The following GRM1 variants were observed in gnomAD, a reference collection of about 807,000 sequenced individuals.
GRM1 encodes the protein glutamate metabotropic receptor 1.
A neutral mutation model predicts 90.9 loss-of-function variants in GRM1; 33 were observed. The observed-to-expected ratio is 0.36, with a 90% CI of 0.28 to 0.49. GRM1 has a LOEUF of 0.49. Ranked by LOEUF, GRM1 falls within the 20% of genes least tolerant of loss-of-function variation. GRM1 has a pLI of 0.99. For synonymous variants in GRM1, 700 were observed against 613.2 expected (o/e 1.14, Z -2.09); for missense variants, 1,190 against 1,534.3 (o/e 0.78, Z 3.75).
intron 5 of GRM1, among the ~76,000 whole-genome samples, chr6:146,377,258 A>C (rs1042503479): frequency 6.6e-6 from 1 of 152,284 alleles, no homozygotes; most frequent in African/African-American, 2.4e-5. Flanking sequence ...AGATTGGAAC[A>C]GTTTGGAGGG....
At chr6:146,218,805 A>G (rs958562608) in intron 2 of GRM1, among the ~76,000 whole-genome samples, 2 of 152,182 alleles carry the variant, frequency 1.3e-5, no homozygotes, top group African/African-American at 2.4e-5. Context: ...ATATTTAAAT[A>G]CAAGGGAAAC....
intron 2 of GRM1, among the ~76,000 whole-genome samples, chr6:146,181,524 A>C (rs2114547333): frequency 6.6e-6 from 1 of 152,322 alleles, no homozygotes; most frequent in Non-Finnish European, 1.5e-5. Context: ...TGCCATGATT[A>C]CTGTTGTATT....
rs139562211 is a variant in GRM1 at position 146,167,338 on chromosome 6, T to A, written c.950+7741T>A. 3.6e-4 allele frequency among the ~76,000 whole-genome samples: 55 copies of A among 152,318 alleles called. No individual in the cohort carries two copies. In the East Asian group the frequency reaches 8.9e-3, roughly 25 times the overall value. ...AATTTGTAACTATTTTGAATAGTCC[T>A]GCTGTGAACATTCTTGTACAAGTCT... On this transcript the variant is annotated intron_variant, in intron 2 of 7. Coordinates refer to ENST00000282753, the MANE Select transcript of GRM1 (RefSeq NM_001278064.2).
At chr6:146,098,305 C>T (rs1463815150) in intron 1 of GRM1, among the ~76,000 whole-genome samples, 1 of 152,068 alleles carries the variant, frequency 6.6e-6, no homozygotes, top group Non-Finnish European at 1.5e-5. Flanking sequence ...GTTGCTTACC[C>T]ATCTCAAAAG....
chr6:146,128,091 T>C (rs572939056), intron 1 of GRM1, among the ~76,000 whole-genome samples: 57 of 152,228 alleles, frequency 3.7e-4, no homozygotes, highest in African/African-American at 1.3e-3. Context: ...GTGGCTACTT[T>C]CCAAGGGCAA....
At chr6:146,275,255 T>G (rs1782311604) in intron 2 of GRM1, among the ~76,000 whole-genome samples, 1 of 152,102 alleles carries the variant, frequency 6.6e-6, no homozygotes, top group Admixed American at 6.6e-5. Context: ...CAAATTGCAG[T>G]AGGCAGGGCA....
intron 2 of GRM1, among the ~76,000 whole-genome samples, chr6:146,180,973 G>A (rs1484481768): frequency 6.6e-6 from 1 of 152,118 alleles, no homozygotes; most frequent in East Asian, 1.9e-4. Context: ...TAACCTCAAT[G>A]TGATAACACA....
At chr6:146,102,941 TA>T (rs1402107569) in intron 1 of GRM1, among the ~76,000 whole-genome samples, 3 of 152,206 alleles carry the variant, frequency 2.0e-5, no homozygotes. Flanking sequence ...TGCGCTTCAT[TA>T]AAGTTAATGG....
intron 1 of GRM1, among the ~76,000 whole-genome samples, chr6:146,063,966 G>A (rs1250573649): frequency 2.6e-5 from 4 of 152,076 alleles, no homozygotes; most frequent in Non-Finnish European, 5.9e-5. Flanking sequence ...CATTATTTTG[G>A]ATTCATTTGC....
intron 7 of GRM1, among the ~76,000 whole-genome samples, chr6:146,417,140 T>C (rs1012333466): frequency 6.6e-6 from 1 of 152,220 alleles, no homozygotes; most frequent in Non-Finnish European, 1.5e-5. Context: ...TGTTGTCCTG[T>C]ATCAAGAATC....
At chr6:146,130,449 T>C (rs1479826292) in intron 1 of GRM1, among the ~76,000 whole-genome samples, 1 of 152,130 alleles carries the variant, frequency 6.6e-6, no homozygotes, top group Admixed American at 6.6e-5. Context: ...AGTTGAGAAT[T>C]AGCTAACTAG....
At chr6:146,177,871 C>A (rs772069022) in intron 2 of GRM1, among the ~76,000 whole-genome samples, 5 of 152,054 alleles carry the variant, frequency 3.3e-5, no homozygotes, top group Non-Finnish European at 7.4e-5. Context: ...ACTCTTTATT[C>A]TGTGTATTAA....
chr6:146,069,385 A>G (rs1158758646), intron 1 of GRM1, among the ~76,000 whole-genome samples: 2 of 152,198 alleles, frequency 1.3e-5, no homozygotes. Context: ...CTTCTAAAGT[A>G]ACTTTTATAT....
At chr6:146,288,353 A>G (rs1415468024) in intron 2 of GRM1, among the ~76,000 whole-genome samples, 1 of 152,210 alleles carries the variant, frequency 6.6e-6, no homozygotes, top group Non-Finnish European at 1.5e-5. Context: ...ACAGTGGCAG[A>G]GAGCTTAGCT....
rs752403373 is a variant in GRM1, at chr6:146,399,065, G to A, written c.2026G>A (p.Val676Met). ...LSSAMCYSAL[V>M]TKTNRIARIL... ...CTCTGCGATGTGCTACTCTGCTTTA[G>A]TGACTAAAACCAATCGTATTGCACG... is the stretch of plus-strand genomic sequence containing the variant. Residue 676 changes from valine to methionine, a missense_variant, in exon 7 of 8, where the codon GTG becomes ATG. By Grantham distance (21) the Val-to-Met change is conservative. This residue lies in a region of GRM1 where 414 missense variants were observed against 598.4 expected (regional missense o/e 0.69). Coordinates refer to ENST00000282753, the MANE Select transcript of GRM1 (RefSeq NM_001278064.2). The surrounding 1 kb of genome is among the most constrained non-coding windows in gnomAD (Gnocchi z 5.4). 4.1e-5 allele frequency: 66 copies of A among 1,614,000 alleles called. No individual in the cohort carries two copies. In the Admixed American group the frequency reaches 1.1e-3, roughly 27 times the overall value.
Position 146,343,090 on chromosome 6 carries a change from A to G in GRM1, c.1187-9160A>G, listed in dbSNP as rs548152382. On this transcript the variant is annotated intron_variant, in intron 3 of 7. Transcript: ENST00000282753. ...TCCTCAGCCTTTCCTTGTTTTTGAT[A>G]TCTTTGACAGTTTGTAGAGGTACTG... 2.6e-5 allele frequency among the ~76,000 whole-genome samples: 4 copies of G among 151,208 alleles called. No homozygotes were observed. The South Asian group carries it at 8.3e-4, about 32-fold the overall frequency.
chr6:146,241,562 C>G (rs190711071), intron 2 of GRM1, among the ~76,000 whole-genome samples: 2 of 152,222 alleles, frequency 1.3e-5, no homozygotes, highest in Admixed American at 1.3e-4. Flanking sequence ...CAAGCAGTCC[C>G]TCTTGGCTCC....
At chr6:146,069,564 T>C (rs1775959565) in intron 1 of GRM1, among the ~76,000 whole-genome samples, 2 of 152,206 alleles carry the variant, frequency 1.3e-5, no homozygotes, top group African/African-American at 4.8e-5. Flanking sequence ...AGTTTTCAGC[T>C]GTAGTTGGTA....
intron 1 of GRM1, among the ~76,000 whole-genome samples, chr6:146,153,469 T>G (rs1777411946): frequency 6.6e-6 from 1 of 152,188 alleles, no homozygotes; most frequent in Non-Finnish European, 1.5e-5. Flanking sequence ...CATGGGAATT[T>G]ATATGTAAGT....
Sources: allele counts gnomAD v4.1 joint callset (sites outside exome capture counted in the v4.1 genomes callset), GRCh38; gene constraint gnomAD v4.1.1; regional missense constraint gnomAD v4.1.1; non-coding constraint Gnocchi (gnomAD v3.1); transcripts MANE v1.5; gene names NCBI Gene and HGNC (gene_info 2026-07-23, HGNC 2026-07-21).